The following CTNND2 variants were observed in gnomAD, a reference collection of about 807,000 sequenced individuals.
CTNND2 encodes catenin delta 2.
In CTNND2, 22 loss-of-function variants were observed where a neutral mutation model predicts 144.4. The ratio of observed to expected loss-of-function variants is 0.15; its 90% CI spans 0.11 to 0.22. The LOEUF (loss-of-function observed/expected upper bound fraction) is 0.22, where lower values mean the gene tolerates loss of function less well. CTNND2 is among the 10% of genes least tolerant of loss of function. CTNND2 has a pLI of 1.00. For synonymous variants in CTNND2, 751 were observed against 695.6 expected (o/e 1.08, Z -1.25); for missense variants, 1,353 against 1,618.8 (o/e 0.84, Z 2.82).
At chr5:11,423,877 TAAAGA>T (rs1762560046) in intron 3 of CTNND2, among the ~76,000 whole-genome samples, 1 of 152,152 alleles carries the variant, frequency 6.6e-6, no homozygotes, top group African/African-American at 2.4e-5. Context: ...GATTTCACAA[TAAAGA>T]AAAAATTTTT....
chr5:11,164,433 T>C (rs16901332), intron 11 of CTNND2, among the ~76,000 whole-genome samples: 3,024 of 152,284 alleles, frequency 0.02, 91 homozygotes, highest in African/African-American at 0.069. Flanking sequence ...TCTAAATTCA[T>C]CTTGATCACA....
Position 11,641,232 on chromosome 5 carries a change from T to C in CTNND2, c.175-76176A>G, listed in dbSNP as rs903362704. 4.6e-5 allele frequency among the ~76,000 whole-genome samples: 7 copies of C among 152,110 alleles called. No individual in the cohort carries two copies. The East Asian group carries it at 5.8e-4, about 13-fold the overall frequency. On this transcript the variant is annotated intron_variant, in intron 2 of 21. Transcript: ENST00000304623. ...AAATTCAAAGAATCAAATATGAACA[T>C]AGAAGCATCAAATATGAACACTTTA...
intron 9 of CTNND2, among the ~76,000 whole-genome samples, chr5:11,285,848 AG>A (rs1193226391): frequency 4.5e-5 from 3 of 66,356 alleles, no homozygotes; most frequent in African/African-American, 1.7e-4. Flanking sequence ...CCAGGAACTG[AG>A]GGAGAGTGCA....
chr5:11,098,736 C>T lies in CTNND2; in HGVS notation c.2476G>A (p.Gly826Arg). The T allele has an allele frequency of 6.2e-7, 1 of 1,612,770 alleles. No individual in the cohort carries two copies. Among genetic ancestry groups the T allele is most frequent in the East Asian group, 2.2e-5 (1 of 44,876 alleles). Residue 826 changes from glycine (G) to arginine (R), a missense_variant, in exon 15 of 22, where the codon GGA (glycine) becomes AGA (arginine). Gly to Arg is a moderately radical substitution (Grantham distance 125). Coordinates refer to ENST00000304623, the MANE Select transcript of CTNND2 (RefSeq NM_001332.4). The part of the protein sequence containing the change: ...KKSQDQWDGV[G>R]PLPDCAEPPK... ...GGTTCAGCACAGTCTGGAAGAGGTCCTACTCCATCCCACTGGCGGAAGAAA... is the reference window on the plus strand; with the variant it reads ...GGTTCAGCACAGTCTGGAAGAGGTCTTACTCCATCCCACTGGCGGAAGAAA...
rs1738064310 is a variant in CTNND2 at position 11,903,372 on chromosome 5, C to T, written c.37+445G>A. On this transcript the variant is annotated intron_variant, in intron 1 of 21. Transcript: ENST00000304623. This position sits in a 1 kb window ranked among gnomAD's most constrained non-coding sequence, Gnocchi z 5.4. ...ACTAAGTCTTTCCATTTTGTTCTAG[C>T]CAAACATCGTAATGACATTGAACAT... 1.0e-6 allele frequency: 1 copy of T among 997,404 alleles called. No homozygotes were observed. Among genetic ancestry groups the T allele is most frequent in the Non-Finnish European group, 1.2e-6 (1 of 838,294 alleles). 61.8% of individuals were successfully genotyped at this position (997,404 alleles called of 1,614,324 possible). A position where few individuals can be genotyped will look rare whatever the true frequency, so the allele number is the denominator to read the frequency against.
At chr5:11,473,865 G>T (rs559487819) in intron 3 of CTNND2, among the ~76,000 whole-genome samples, 66 of 152,348 alleles carry the variant, frequency 4.3e-4, no homozygotes, top group African/African-American at 1.5e-3. Context: ...TCTGCAGTGT[G>T]CAAAGAAGCT....
chr5:11,414,622 C>T (rs568332172), intron 3 of CTNND2, among the ~76,000 whole-genome samples: 15 of 152,060 alleles, frequency 9.9e-5, no homozygotes, highest in Non-Finnish European at 1.5e-4. Flanking sequence ...CCTTTATTTC[C>T]GGGATCCATG....
At chr5:11,031,411 G>A (rs919701562) in intron 16 of CTNND2, among the ~76,000 whole-genome samples, 9 of 152,140 alleles carry the variant, frequency 5.9e-5, no homozygotes, top group Non-Finnish European at 2.9e-5. Flanking sequence ...TGGGGGATGG[G>A]TAGCTACTGT....
chr5:11,642,172 AAT>A, intron 2 of CTNND2, among the ~76,000 whole-genome samples: 1 of 152,124 alleles, frequency 6.6e-6, no homozygotes. Flanking sequence ...CCATTCTATC[AAT>A]ATATATTGAC....
intron 3 of CTNND2, among the ~76,000 whole-genome samples, chr5:11,511,391 G>A (rs543365620): frequency 4.6e-5 from 7 of 152,068 alleles, no homozygotes; most frequent in East Asian, 1.9e-4. Flanking sequence ...GCAGGGATCC[G>A]CCTTGGTGGT....
intron 2 of CTNND2, among the ~76,000 whole-genome samples, chr5:11,612,917 A>T (rs1277806530): frequency 1.3e-5 from 2 of 152,152 alleles, no homozygotes; most frequent in African/African-American, 2.4e-5. Flanking sequence ...ATAAATAAAT[A>T]AAATAAAATA....
intron 9 of CTNND2, among the ~76,000 whole-genome samples, chr5:11,298,723 T>C (rs1186437370): frequency 6.6e-6 from 1 of 152,176 alleles, no homozygotes; most frequent in East Asian, 1.9e-4. Flanking sequence ...AAATGCACAG[T>C]CAGTATAGAA....
At chr5:11,887,018 C>G (rs1736593343) in intron 1 of CTNND2, among the ~76,000 whole-genome samples, 1 of 119,614 alleles carries the variant, frequency 8.4e-6, no homozygotes, top group South Asian at 2.9e-4. Flanking sequence ...GAGTCTCGCT[C>G]TGTCACCCAG....
At chr5:10,984,483 A>G (rs1737687056) in intron 20 of CTNND2, among the ~76,000 whole-genome samples, 2 of 151,944 alleles carry the variant, frequency 1.3e-5, no homozygotes, top group Admixed American at 6.5e-5. Flanking sequence ...GTGAAATCAT[A>G]AACAGACACT....
chr5:11,207,252 C>A (rs1041851340), intron 10 of CTNND2, among the ~76,000 whole-genome samples: 1 of 151,670 alleles, frequency 6.6e-6, no homozygotes, highest in Non-Finnish European at 1.5e-5. Flanking sequence ...GTGGGGCTTG[C>A]GGAGGGATAG....
intron 1 of CTNND2, among the ~76,000 whole-genome samples, chr5:11,880,578 AC>A: frequency 6.9e-6 from 1 of 145,448 alleles, no homozygotes; most frequent in Non-Finnish European, 1.5e-5. Flanking sequence ...TACTACTACT[AC>A]TACCACTACT....
chr5:11,240,659 ACACT>A (rs139971008), intron 9 of CTNND2, among the ~76,000 whole-genome samples: 1,899 of 141,650 alleles, frequency 0.013, 20 homozygotes, highest in South Asian at 0.026. Flanking sequence ...AACACCCAAC[ACACT>A]CACCCAATAC....
intron 10 of CTNND2, among the ~76,000 whole-genome samples, chr5:11,201,718 G>T (rs1737459486): frequency 6.6e-6 from 1 of 152,196 alleles, no homozygotes; most frequent in Admixed American, 6.5e-5. Flanking sequence ...TGTGGTTGAG[G>T]GGGTTATGGT....
At position 11,606,948 on chromosome 5, in the gene CTNND2, G is replaced by A. The variant is rs146598197; in HGVS notation, c.175-41892C>T. On this transcript the variant is annotated intron_variant, in intron 2 of 21. Transcript: ENST00000304623. ...ATTTGAAAATAAGGTCTTTATAGACGTAATCAAGTTAAAATAATATCAATA... is the reference window on the plus strand; with the variant it reads ...ATTTGAAAATAAGGTCTTTATAGACATAATCAAGTTAAAATAATATCAATA... 8.9e-4 allele frequency among the ~76,000 whole-genome samples: 136 copies of A among 152,262 alleles called. 1 individual carries two copies. The Middle Eastern group carries it at 0.01, about 11-fold the overall frequency.
Sources: allele counts gnomAD v4.1 joint callset (sites outside exome capture counted in the v4.1 genomes callset), GRCh38; gene constraint gnomAD v4.1.1; non-coding constraint Gnocchi (gnomAD v3.1); transcripts MANE v1.5; gene names NCBI Gene and HGNC (gene_info 2026-07-23, HGNC 2026-07-21).